The following CHERP variants were observed in gnomAD, a reference collection of about 807,000 sequenced individuals.
CHERP encodes calcium homeostasis endoplasmic reticulum protein.
Under a neutral mutation model 113.8 loss-of-function variants are expected in CHERP, and 8 were observed. The observed-to-expected ratio is 0.07, with a 90% CI of 0.04 to 0.13. The LOEUF is 0.13. CHERP is among the 10% of genes least tolerant of loss of function. CHERP has a pLI of 1.00. For missense variants in CHERP, 884 were observed against 1,298.2 expected, an observed-to-expected ratio of 0.68 and a Z score of 4.90; for synonymous variants, 559 against 524.5, an observed-to-expected ratio of 1.07 and a Z score of -0.90.
intron 10 of CHERP, among the ~76,000 whole-genome samples, chr19:16,524,905 C>T (rs1289656168): frequency 1.3e-5 from 2 of 151,874 alleles, no homozygotes; most frequent in Admixed American, 1.3e-4. Context: ...ATTTTTTAAA[C>T]GAACTAATAC....
At chr19:16,534,813 T>C (rs1476545477) in intron 3 of CHERP, among the ~76,000 whole-genome samples, 1 of 152,154 alleles carries the variant, frequency 6.6e-6, no homozygotes, top group East Asian at 1.9e-4. Flanking sequence ...TATCAAACTG[T>C]TGGACCAGGA....
Position 16,520,940 on chromosome 19 carries a change from C to T in CHERP, c.2115-28G>A. 1.3e-6 allele frequency: 2 copies of T among 1,580,478 alleles called. No individual in the cohort carries two copies. Among genetic ancestry groups the T allele is most frequent in the South Asian group, 2.2e-5 (2 of 90,416 alleles). On this transcript the variant is annotated intron_variant, in intron 12 of 16. Transcript: ENST00000546361. The surrounding 1 kb of genome is among the most constrained non-coding windows in gnomAD (Gnocchi z 4.0). ...GTAAGACACGGCATTCCGTGTGTGACCACGTGACACCCACCCACAAGGAAG... is the reference window on the plus strand; with the variant it reads ...GTAAGACACGGCATTCCGTGTGTGATCACGTGACACCCACCCACAAGGAAG...
chr19:16,530,532 TG>T lies in CHERP; in HGVS notation c.876+52del. 6.4e-7 allele frequency: 1 copy of T among 1,568,854 alleles called. No homozygotes were observed. Among genetic ancestry groups the T allele is most frequent in the Non-Finnish European group, 8.8e-7 (1 of 1,139,944 alleles). ...CTGTCCCCACACTCCCAAACCCTCC[TG>T]GGGAACCCGCCCCAGCTCTAGGGTG... is the stretch of plus-strand genomic sequence containing the variant. On this transcript the variant is annotated intron_variant, in intron 7 of 16. Coordinates refer to ENST00000546361, the MANE Select transcript of CHERP (RefSeq NM_006387.6). This position sits in a 1 kb window ranked among gnomAD's most constrained non-coding sequence, Gnocchi z 4.1.
In CHERP at chr19:16,533,122, G is replaced by A. The variant is rs370243776; in HGVS notation, c.411C>T (p.His137=). Residue 137 remains histidine, a synonymous_variant, in exon 4 of 17, where the codon CAC becomes CAT. Coordinates refer to ENST00000546361, the MANE Select transcript of CHERP (RefSeq NM_006387.6). ...GCTTCTGCATCTGCTGCTCCACCGC[G>A]TGGGCCACGGCCGCTGTCACTTGCT... ...RQEQVTAAVA[H]AVEQQMQKLL... 9.6e-5 allele frequency: 153 copies of A among 1,587,282 alleles called. 2 individuals are homozygous for A. The highest frequency in any genetic ancestry group is 4.4e-4 in the South Asian group (38 of 87,172).
chr19:16,532,860 T>C lies in CHERP; in HGVS notation c.523-111A>G. 2 of 1,536,514 alleles carry C rather than the reference T, an allele frequency of 1.3e-6. No individual in the cohort carries two copies. ...CTCAGGGAAGGACACACCATGAGCG[T>C]GGGGGGCACAGGGTCCCACAGCCTC... On this transcript the variant is annotated intron_variant, in intron 4 of 16. Transcript: ENST00000546361. This position sits in a 1 kb window ranked among gnomAD's most constrained non-coding sequence, Gnocchi z 4.4.
chr19:16,541,060 A>C (rs1214601664), intron 2 of CHERP: 2 of 152,158 alleles, frequency 1.3e-5, no homozygotes, highest in East Asian at 3.9e-4. Flanking sequence ...ATGACCTTGT[A>C]CCTTAATACA....
At chr19:16,522,104 CTGCCTGGCT>C (rs2085621315) in intron 11 of CHERP, among the ~76,000 whole-genome samples, 1 of 152,132 alleles carries the variant, frequency 6.6e-6, no homozygotes, top group Non-Finnish European at 1.5e-5. Flanking sequence ...AGGCCCTGCC[CTGCCTGGCT>C]TGCCTGGGCC....
Position 16,520,296 on chromosome 19 carries a change from C to T in CHERP, c.2346-31G>A, listed in dbSNP as rs2085598348. On this transcript the variant is annotated intron_variant, in intron 14 of 16. Coordinates refer to ENST00000546361, the MANE Select transcript of CHERP (RefSeq NM_006387.6). The surrounding 1 kb of genome is among the most constrained non-coding windows in gnomAD (Gnocchi z 4.0). ...GGGAAGGGTGCCCAAGGGTCAGCAG[C>T]AGCCAGGCGTCGTGGGGAGGCCACA... 10 of 1,613,114 alleles carry T rather than the reference C, an allele frequency of 6.2e-6. No homozygotes were observed. The highest frequency in any genetic ancestry group is 8.5e-6 in the Non-Finnish European group (10 of 1,179,618).
chr19:16,528,170 G>C lies in CHERP; in HGVS notation c.1215C>G (p.Pro405=), dbSNP rs963022278. The C allele has an allele frequency of 6.2e-7, 1 of 1,613,260 alleles. No homozygotes were observed. The highest frequency in any genetic ancestry group is 8.5e-7 in the Non-Finnish European group (1 of 1,179,740). Residue 405 remains proline, a synonymous_variant, in exon 9 of 17, where the codon CCC becomes CCG. Coordinates refer to ENST00000546361, the MANE Select transcript of CHERP (RefSeq NM_006387.6). ...GGVQDPAAAG[P]RGPGPHDQIP... ...TCTGGTCGTGTGGCCCGGGGCCCCG[G>C]GGGCCGGCAGCTGCAGGATCCTGGA...
At chr19:16,537,121 A>G (rs1457199207) in intron 2 of CHERP, among the ~76,000 whole-genome samples, 1 of 151,994 alleles carries the variant, frequency 6.6e-6, no homozygotes, top group African/African-American at 2.4e-5. Flanking sequence ...GACTCACTCC[A>G]GATCTTCACC....
chr19:16,520,516 A>G lies in CHERP; in HGVS notation c.2202-9T>C. 6.2e-7 allele frequency: 1 copy of G among 1,608,582 alleles called. No individual in the cohort carries two copies. Among genetic ancestry groups the G allele is most frequent in the Non-Finnish European group, 8.5e-7 (1 of 1,177,130 alleles). On this transcript the variant is annotated splice_polypyrimidine_tract_variant and intron_variant, in intron 13 of 16. Coordinates refer to ENST00000546361, the MANE Select transcript of CHERP (RefSeq NM_006387.6). The surrounding 1 kb of genome is among the most constrained non-coding windows in gnomAD (Gnocchi z 4.0). ...GAGACCTCGAGGGTCCGCTGTGGGG[A>G]GAGGCCTGATGATCAGGTGCCCCAG... is the stretch of plus-strand genomic sequence containing the variant.
At chr19:16,533,198 G>C (rs547646015) in intron 3 of CHERP, 50 bp from the exon 4 acceptor site, 1 of 1,543,360 alleles carries the variant, frequency 6.5e-7, no homozygotes, top group Non-Finnish European at 8.7e-7. Flanking sequence ...GGGACCCGCA[G>C]CCTGAGCCCT....
At chr19:16,538,165 C>T (rs1213783535) in intron 2 of CHERP, among the ~76,000 whole-genome samples, 2 of 152,052 alleles carry the variant, frequency 1.3e-5, no homozygotes, top group Admixed American at 1.3e-4. Context: ...GACTCCTCCC[C>T]AAGCCAGGCC....
At position 16,521,558 on chromosome 19, in the gene CHERP, A is replaced by G. The variant is rs1487078846; in HGVS notation, c.2077T>C (p.Phe693Leu). The G allele has an allele frequency of 6.2e-7, 1 of 1,604,360 alleles. No individual in the cohort carries two copies. Among genetic ancestry groups the G allele is most frequent in the Non-Finnish European group, 8.5e-7 (1 of 1,176,730 alleles). The change falls in exon 12 of 17, where the codon TTC (phenylalanine) becomes CTC (leucine). Residue 693 changes from phenylalanine (F) to leucine (L), a missense_variant. Physicochemically the swap from Phe to Leu is conservative, Grantham distance 22. Around this residue, in one of 8 missense-constraint regions of CHERP, gnomAD observed 464 missense variants for 590.1 expected, o/e 0.79. Coordinates refer to ENST00000546361, the MANE Select transcript of CHERP (RefSeq NM_006387.6). ...SERLLAAVEA[F>L]YSPPSHDRPR... The stretch of plus-strand genomic sequence containing the variant: ...CTGTCGTGGGACGGGGGGCTGTAGA[A>G]GGCCTCCACTGCAGCCAGCAGCCTC...
chr19:16,530,554 G>C lies in CHERP; in HGVS notation c.876+31C>G. Reference sequence around the variant, plus strand: ...TCCTGGGGAACCCGCCCCAGCTCTAGGGTGAGGTGTGGGTGGGCAGGGACA... The same window carrying C: ...TCCTGGGGAACCCGCCCCAGCTCTACGGTGAGGTGTGGGTGGGCAGGGACA... On this transcript the variant is annotated intron_variant, in intron 7 of 16. Coordinates refer to ENST00000546361, the MANE Select transcript of CHERP (RefSeq NM_006387.6). This position sits in a 1 kb window ranked among gnomAD's most constrained non-coding sequence, Gnocchi z 4.1. The C allele has an allele frequency of 6.2e-7, 1 of 1,601,638 alleles. No individual in the cohort carries two copies. The highest frequency in any genetic ancestry group is 1.1e-5 in the South Asian group (1 of 90,816).
chr19:16,534,620 C>T (rs960559703), intron 3 of CHERP, among the ~76,000 whole-genome samples: 5 of 151,900 alleles, frequency 3.3e-5, no homozygotes, highest in Admixed American at 6.6e-5. Context: ...GGATTACAGG[C>T]GTGCACCACC....
Position 16,519,891 on chromosome 19 carries a change from A to G in CHERP, c.2463-176T>C. 1.5e-6 allele frequency: 1 copy of G among 680,918 alleles called. No individual in the cohort carries two copies. The highest frequency in any genetic ancestry group is 1.7e-5 in the South Asian group (1 of 57,998). The allele number at this position is 680,918 out of a possible 1,614,324, so 42.2% of individuals were successfully genotyped here. A position where few individuals can be genotyped will look rare whatever the true frequency, so the allele number is the denominator to read the frequency against. ...TGTCTCAGCTAGATAAGGGGGCTCC[A>G]GACGCTGGCCCCCACCCCACGCTCA... On this transcript the variant is annotated intron_variant, in intron 15 of 16. Transcript: ENST00000546361. The surrounding 1 kb of genome is among the most constrained non-coding windows in gnomAD (Gnocchi z 6.0).
chr19:16,521,487 C>T, intron 12 of CHERP, 34 bp downstream of exon 12: 1 of 1,519,472 alleles, frequency 6.6e-7, no homozygotes, highest in Non-Finnish European at 8.8e-7. Flanking sequence ...GGGACAGAGG[C>T]CTCCCGCCCA....
intron 10 of CHERP, among the ~76,000 whole-genome samples, chr19:16,524,147 G>A (rs1407439353): frequency 1.3e-5 from 2 of 152,102 alleles, no homozygotes; most frequent in Non-Finnish European, 2.9e-5. Context: ...CTACTGAGGA[G>A]GCCAAGGTGG....
Sources: allele counts gnomAD v4.1 joint callset (sites outside exome capture counted in the v4.1 genomes callset), GRCh38; gene constraint gnomAD v4.1.1; regional missense constraint gnomAD v4.1.1; non-coding constraint Gnocchi (gnomAD v3.1); transcripts MANE v1.5; gene names NCBI Gene and HGNC (gene_info 2026-07-23, HGNC 2026-07-21).